Variants in MACF1 observed in about 807,000 individuals in gnomAD.
MACF1 encodes the protein microtubule-actin cross-linking factor 1.
MACF1 carries 193 observed loss-of-function variants against 854.8 expected under a neutral mutation model. The ratio of observed to expected loss-of-function variants is 0.23; its 90% CI spans 0.20 to 0.25. The LOEUF (loss-of-function observed/expected upper bound fraction) is 0.25. Ranked by LOEUF, MACF1 falls within the 10% of genes least tolerant of loss-of-function variation. The pLI is 1.00. For missense variants in MACF1, 7,722 were observed against 8,929.1 expected (o/e 0.86, Z 5.45); for synonymous variants, 3,185 against 3,226.7 (o/e 0.99, Z 0.44).
At chr1:39,362,169 A>T (rs543648230) in intron 49 of MACF1, among the ~76,000 whole-genome samples, 17 of 152,336 alleles carry the variant, frequency 1.1e-4, no homozygotes, top group Admixed American at 5.2e-4. Context: ...TCCAGAAGTA[A>T]AACTGCCAAG....
intron 3 of MACF1, among the ~76,000 whole-genome samples, chr1:39,251,302 A>G (rs569250481): frequency 6.6e-6 from 1 of 152,332 alleles, no homozygotes; most frequent in East Asian, 1.9e-4. Context: ...TATAAGTCTA[A>G]TAAGTAATCA....
intron 52 of MACF1, among the ~76,000 whole-genome samples, chr1:39,376,955 C>T (rs546478470): frequency 2.0e-5 from 3 of 152,156 alleles, no homozygotes; most frequent in African/African-American, 4.8e-5. Flanking sequence ...AACTTCCACC[C>T]TCCCAAAGTG....
chr1:39,204,619 C>T (rs78379994), upstream of MACF1: 2 of 157,750 alleles, frequency 1.3e-5, no homozygotes, highest in South Asian at 1.9e-4. Context: ...AAGAGTGTGA[C>T]GTCCTCTGAC....
intron 49 of MACF1, among the ~76,000 whole-genome samples, chr1:39,364,490 G>A (rs1019758669): frequency 1.3e-5 from 2 of 150,838 alleles, no homozygotes; most frequent in Non-Finnish European, 3.0e-5. Flanking sequence ...CCATGTAAAC[G>A]TGGAATTTTT....
At chr1:39,355,273 G>C (rs1378671219) in intron 44 of MACF1, among the ~76,000 whole-genome samples, 2 of 152,142 alleles carry the variant, frequency 1.3e-5, no homozygotes, top group Non-Finnish European at 2.9e-5. Flanking sequence ...ACCTTTTGCT[G>C]GCAGCAGTCA....
chr1:39,369,281 A>C (rs1014891059), intron 50 of MACF1, among the ~76,000 whole-genome samples: 1 of 152,220 alleles, frequency 6.6e-6, no homozygotes, highest in Non-Finnish European at 1.5e-5. Context: ...GGACAGCCTC[A>C]CATAGATTTA....
At chr1:39,386,159 T>G (rs1172443255) in intron 57 of MACF1, among the ~76,000 whole-genome samples, 1 of 151,996 alleles carries the variant, frequency 6.6e-6, no homozygotes. Flanking sequence ...ATAAAAGCTC[T>G]AATAAAATTT....
At chr1:39,376,510 A>G (rs190696687) in intron 52 of MACF1, among the ~76,000 whole-genome samples, 14 of 152,320 alleles carry the variant, frequency 9.2e-5, no homozygotes, top group African/African-American at 3.4e-4. Flanking sequence ...ATCCTGCAGA[A>G]TAAACTGTGT....
At chr1:39,324,505 T>C in intron 34 of MACF1, 141 bp from the exon 35 acceptor site, 1 of 1,079,292 alleles carries the variant, frequency 9.3e-7, no homozygotes, top group Non-Finnish European at 1.3e-6. Flanking sequence ...CTTGTACCTT[T>C]TTATCAGCTG....
chr1:39,266,031 T>TC (rs2148352373), intron 6 of MACF1, among the ~76,000 whole-genome samples: 1 of 152,286 alleles, frequency 6.6e-6, no homozygotes, highest in East Asian at 1.9e-4. Flanking sequence ...CTTACTGAAA[T>TC]CTCTGCTCCT....
At position 39,116,063 on chromosome 1, in the gene MACF1, A is replaced by G. The variant is rs551441144; in HGVS notation, c.220+31625A>G. ...GGAAGACAGGTGAAGAAGGGTGGGG[A>G]GAGTTTTGTTTATGTATTGTAACAC... On this transcript the variant is annotated intron_variant, in intron 2 of 93. Coordinates refer to the MACF1 transcript ENST00000361689. Among the ~76,000 whole-genome samples, 3 of 152,208 alleles carry G rather than the reference A, an allele frequency of 2.0e-5. No homozygotes were observed. In the South Asian group the frequency reaches 6.2e-4, roughly 32 times the overall value.
intron 45 of MACF1, among the ~76,000 whole-genome samples, chr1:39,358,179 C>T (rs1427416023): frequency 6.6e-6 from 1 of 152,218 alleles, no homozygotes; most frequent in African/African-American, 2.4e-5. Flanking sequence ...TCCTGACCAG[C>T]AGACTTGGAC....
intron 1 of MACF1, 151 bp from the exon 2 acceptor site, chr1:39,231,031 G>A: frequency 4.4e-6 from 3 of 688,444 alleles, no homozygotes; most frequent in Non-Finnish European, 7.9e-6. Flanking sequence ...AGGAAGTTCA[G>A]CTAGGCCAAA....
intron 58 of MACF1, 78 bp from the exon 59 acceptor site, chr1:39,422,296 A>G (rs1297321569): frequency 1.7e-6 from 2 of 1,154,480 alleles, no homozygotes; most frequent in African/African-American, 3.1e-5. Flanking sequence ...TAAATGCCCC[A>G]AGAATAACCA....
chr1:39,300,586 A>G (rs1646018217), intron 22 of MACF1, among the ~76,000 whole-genome samples: 1 of 151,768 alleles, frequency 6.6e-6, no homozygotes, highest in Non-Finnish European at 1.5e-5. Flanking sequence ...ATCATTATCT[A>G]CTCAGTTGCC....
At chr1:39,363,863 C>T (rs577265968) in intron 49 of MACF1, among the ~76,000 whole-genome samples, 5 of 152,188 alleles carry the variant, frequency 3.3e-5, no homozygotes, top group South Asian at 2.1e-4. Context: ...CTGCCCGCCT[C>T]GGCCTCCCAA....
chr1:39,333,150 G>A lies in MACF1; in HGVS notation c.6562G>A (p.Gly2188Arg). Residue 2188 changes from glycine (G) to arginine (R), a missense_variant, in exon 37 of 101, where the codon GGA (glycine) becomes AGA (arginine). Gly to Arg is a moderately radical substitution (Grantham distance 125). Around this residue, in one of 15 missense-constraint regions of MACF1, gnomAD observed 1,531 missense variants for 1,601.6 expected, o/e 0.96. Transcript: ENST00000564288. The part of the protein sequence containing the change: ...LETEYIHDET[G>R]GSHIKPQSKK... ...GACTGAATATATTCATGATGAAACTGGAGGATCTCACATAAAACCCCAAAG... is the reference window on the plus strand; with the variant it reads ...GACTGAATATATTCATGATGAAACTAGAGGATCTCACATAAAACCCCAAAG... 5 of 1,613,880 alleles carry A rather than the reference G, an allele frequency of 3.1e-6. No homozygotes were observed. The highest frequency in any genetic ancestry group is 3.4e-6 in the Non-Finnish European group (4 of 1,180,006).
At chr1:39,315,340 A>G (rs1245220970) in intron 26 of MACF1, among the ~76,000 whole-genome samples, 173 bp from the exon 27 acceptor site, 3 of 152,204 alleles carry the variant, frequency 2.0e-5, no homozygotes, top group African/African-American at 7.2e-5. Context: ...TTCTCATTTC[A>G]TTTACAGCTG....
intron 98 of MACF1, among the ~76,000 whole-genome samples, chr1:39,480,273 C>T (rs139300299): frequency 6.6e-6 from 1 of 152,202 alleles, no homozygotes; most frequent in East Asian, 1.9e-4. Context: ...ATGTTTATTT[C>T]CTCATGTTCT....
Sources: gnomAD v4.1 joint callset for allele counts (sites outside exome capture counted in the v4.1 genomes callset) on GRCh38, gnomAD v4.1.1 for gene constraint, gnomAD v4.1.1 regional missense constraint, MANE v1.5 for transcripts, NCBI Gene and HGNC (gene_info 2026-07-23, HGNC 2026-07-21) for gene names.